Variants in PSMA1 observed in about 807,000 individuals in gnomAD.
The protein encoded by PSMA1 is proteasome subunit alpha type-1.
Under a neutral mutation model 38.4 loss-of-function variants are expected in PSMA1, and 3 were observed. The observed-to-expected ratio is 0.08, with a 90% CI of 0.04 to 0.20. The LOEUF (loss-of-function observed/expected upper bound fraction) is 0.20, where lower values mean the gene tolerates loss of function less well. PSMA1 is among the 10% of genes least tolerant of loss of function. PSMA1 has a pLI of 1.00. For synonymous variants in PSMA1, 101 were observed against 107.1 expected, an observed-to-expected ratio of 0.94 and a Z score of 0.35; for missense variants, 227 against 325.3, an observed-to-expected ratio of 0.70 and a Z score of 2.32.
rs1423874402 is a variant in PSMA1 at position 14,574,817 on chromosome 11, G to A, written c.21+36149C>T. 5.9e-5 allele frequency among the ~76,000 whole-genome samples: 9 copies of A among 152,204 alleles called. No individual in the cohort carries two copies. The East Asian group carries it at 7.7e-4, about 13-fold the overall frequency. ...AAACTTCTTTCCTTTATAAATTACC[G>A]AGTCTTGGGTATTATCTTTGCAGCA... On this transcript the variant is annotated intron_variant, in intron 2 of 10. Coordinates refer to the PSMA1 transcript ENST00000418988.
upstream of PSMA1, among the ~76,000 whole-genome samples, chr11:14,521,376 C>A (rs1851527484): frequency 6.6e-6 from 1 of 151,428 alleles, no homozygotes; most frequent in Non-Finnish European, 1.5e-5. Context: ...CCTGTGGTCC[C>A]AGCCACTCGG....
intron 2 of PSMA1, among the ~76,000 whole-genome samples, chr11:14,550,579 G>C (rs1258281688): frequency 6.6e-6 from 1 of 152,012 alleles, no homozygotes; most frequent in South Asian, 2.1e-4. Context: ...TACCGTGAAG[G>C]TGTCATTTTA....
upstream of PSMA1, among the ~76,000 whole-genome samples, chr11:14,523,704 C>T (rs1851555376): frequency 6.6e-6 from 1 of 151,802 alleles, no homozygotes; most frequent in Non-Finnish European, 1.5e-5. Context: ...CTACCTCAGC[C>T]TCCCAAGTAG....
intron 2 of PSMA1, among the ~76,000 whole-genome samples, chr11:14,592,374 C>A (rs372605507): frequency 0.021 from 2,466 of 119,068 alleles, 24 homozygotes; most frequent in East Asian, 0.039. Flanking sequence ...CTCTCTCTCT[C>A]TCTATATATA....
At chr11:14,553,362 T>A (rs1002873973) in intron 2 of PSMA1, among the ~76,000 whole-genome samples, 1 of 152,128 alleles carries the variant, frequency 6.6e-6, no homozygotes. Context: ...TGTGTGTAGT[T>A]CTATGCAATT....
At chr11:14,527,448 C>A (rs1851599769) in intron 2 of PSMA1, among the ~76,000 whole-genome samples, 1 of 152,180 alleles carries the variant, frequency 6.6e-6, no homozygotes, top group Non-Finnish European at 1.5e-5. Flanking sequence ...TGCTAGCCTG[C>A]CTCTTAGAAC....
At chr11:14,575,622 G>A (rs1852203583) in intron 2 of PSMA1, among the ~76,000 whole-genome samples, 1 of 152,148 alleles carries the variant, frequency 6.6e-6, no homozygotes, top group South Asian at 2.1e-4. Flanking sequence ...GTATTCCATG[G>A]TGTATATGTG....
chr11:14,533,687 G>C (rs1851673970), intron 2 of PSMA1, among the ~76,000 whole-genome samples: 1 of 151,244 alleles, frequency 6.6e-6, no homozygotes, highest in South Asian at 2.1e-4. Context: ...CAAAGTGCTG[G>C]GATTACAGGC....
Position 14,517,919 on chromosome 11 carries a change from A to T in PSMA1, c.111T>A (p.Gly37=). ...EAVKQGSATV[G]LKSKTHAVLV... ...AAACTGCATGAGTTTTTGATTTCAGACCAACTGTGGCTGAACCTTGTTTAA... is the reference window on the plus strand; with the variant it reads ...AAACTGCATGAGTTTTTGATTTCAGTCCAACTGTGGCTGAACCTTGTTTAA... The change falls in exon 3 of 10, where the codon GGT becomes GGA. Residue 37 remains glycine (G), a synonymous_variant. Coordinates refer to ENST00000396394, the MANE Select transcript of PSMA1 (RefSeq NM_002786.4). 6.2e-7 allele frequency: 1 copy of T among 1,610,804 alleles called. No individual in the cohort carries two copies. Among genetic ancestry groups the T allele is most frequent in the Non-Finnish European group, 8.5e-7 (1 of 1,178,934 alleles).
chr11:14,567,555 A>C (rs1852086633), intron 2 of PSMA1, among the ~76,000 whole-genome samples: 1 of 152,222 alleles, frequency 6.6e-6, no homozygotes, highest in Non-Finnish European at 1.5e-5. Flanking sequence ...TTATTCATGA[A>C]TGGATTTGCC....
intron 1 of PSMA1, among the ~76,000 whole-genome samples, chr11:14,635,595 A>C (rs1163276292): frequency 2.0e-5 from 3 of 152,210 alleles, no homozygotes; most frequent in Non-Finnish European, 4.4e-5. Context: ...TAGTAGATCT[A>C]GTTGTTTGTT....
At chr11:14,619,979 G>T (rs1852821540) in intron 1 of PSMA1, among the ~76,000 whole-genome samples, 1 of 152,044 alleles carries the variant, frequency 6.6e-6, no homozygotes, top group Non-Finnish European at 1.5e-5. Flanking sequence ...TAAGGATATT[G>T]AGCAAACACT....
chr11:14,514,833 T>G (rs2134146993), intron 4 of PSMA1, among the ~76,000 whole-genome samples: 1 of 152,302 alleles, frequency 6.6e-6, no homozygotes. Flanking sequence ...ATTCTAGATC[T>G]CGAACCAGCA....
At chr11:14,511,055 T>A in intron 7 of PSMA1, 104 bp from the exon 8 acceptor site, 1 of 658,292 alleles carries the variant, frequency 1.5e-6, no homozygotes, top group Non-Finnish European at 2.4e-6. Flanking sequence ...AGTTACACAC[T>A]AAATTTATCA....
At chr11:14,626,015 T>A (rs1852905626) in intron 1 of PSMA1, among the ~76,000 whole-genome samples, 1 of 152,204 alleles carries the variant, frequency 6.6e-6, no homozygotes, top group African/African-American at 2.4e-5. Flanking sequence ...CTGTGTTCTA[T>A]GAACTGTTTT....
intron 2 of PSMA1, among the ~76,000 whole-genome samples, chr11:14,604,976 C>A (rs549850739): frequency 6.6e-6 from 1 of 152,258 alleles, no homozygotes; most frequent in African/African-American, 2.4e-5. Context: ...TAGGTTGATT[C>A]CATGTCTTTG....
intron 2 of PSMA1, among the ~76,000 whole-genome samples, chr11:14,591,597 T>G (rs1052754685): frequency 5.9e-5 from 9 of 152,184 alleles, no homozygotes; most frequent in Non-Finnish European, 1.0e-4. Flanking sequence ...ATCAGCACCC[T>G]GTGTCTAGCT....
rs1852271893 is a variant in PSMA1 at position 14,580,639 on chromosome 11, T to C, written c.21+30327A>G. Reference sequence around the variant, plus strand: ...TAGTAAGTGCTTAATAAACATTTGCTGAAAAATGAAAGGATCAGATCATTA... The same window carrying C: ...TAGTAAGTGCTTAATAAACATTTGCCGAAAAATGAAAGGATCAGATCATTA... On this transcript the variant is annotated intron_variant, in intron 2 of 10. Coordinates refer to the PSMA1 transcript ENST00000418988. 2.6e-5 allele frequency among the ~76,000 whole-genome samples: 4 copies of C among 152,296 alleles called. No individual in the cohort carries two copies. In the South Asian group the frequency reaches 8.3e-4, roughly 32 times the overall value.
At chr11:14,623,692 T>A (rs1522633) in intron 1 of PSMA1, among the ~76,000 whole-genome samples, 46,192 of 152,096 alleles carry the variant, frequency 0.3, 8,045 homozygotes, top group South Asian at 0.43. Context: ...TCTTTGTTGT[T>A]GGCTACCCTG....
Sources: allele counts gnomAD v4.1 joint callset (sites outside exome capture counted in the v4.1 genomes callset), GRCh38; gene constraint gnomAD v4.1.1; transcripts MANE v1.5; gene names NCBI Gene and HGNC (gene_info 2026-07-23, HGNC 2026-07-21).